Variants in WHR1 observed in about 807,000 individuals in gnomAD.
WHR1 encodes the protein winged helix repair factor 1, also known as MHC class III HLA-RP1.
At chr6:31,974,578 A>G in the WHR1 span, among the ~76,000 whole-genome samples, 1 of 152,186 alleles carries the variant, frequency 6.6e-6, no homozygotes, top group Admixed American at 6.5e-5. Context: ...TCCCATCTCT[A>G]CTAAATAAAT....
At chr6:31,975,462 A>G in the WHR1 span, among the ~76,000 whole-genome samples, 1 of 151,710 alleles carries the variant, frequency 6.6e-6, no homozygotes, top group African/African-American at 2.4e-5. Flanking sequence ...CGGCCTCCCA[A>G]AGTGCTGGGA....
chr6:31,979,289 G>T, the WHR1 span: 1 of 1,281,044 alleles, frequency 7.8e-7, no homozygotes, highest in Non-Finnish European at 1.1e-6. Flanking sequence ...GGAGGAAGAA[G>T]AAGGGTATGA....
chr6:31,972,005 G>A, the WHR1 span: 2 of 1,603,964 alleles, frequency 1.2e-6, no homozygotes, highest in Non-Finnish European at 1.7e-6. This position sits in a 1 kb window ranked among gnomAD's most constrained non-coding sequence, Gnocchi z 6.3. Context: ...GGATGCAAAA[G>A]TGGTTTTCTG....
At chr6:31,972,724 T>G in the WHR1 span, 1 of 1,613,496 alleles carries the variant, frequency 6.2e-7, no homozygotes, top group Non-Finnish European at 8.5e-7. This position sits in a 1 kb window ranked among gnomAD's most constrained non-coding sequence, Gnocchi z 6.3. Flanking sequence ...TGTACAGCCT[T>G]GTGCCTGACA....
chr6:31,972,207 G>A, the WHR1 span: 3 of 1,612,566 alleles, frequency 1.9e-6, no homozygotes, highest in Non-Finnish European at 2.5e-6. The surrounding 1 kb of genome is among the most constrained non-coding windows in gnomAD (Gnocchi z 6.3). Context: ...GCCTGGCGGA[G>A]GTGATGCTGG....
chr6:31,977,365 C>T, the WHR1 span, among the ~76,000 whole-genome samples: 1 of 137,018 alleles, frequency 7.3e-6, no homozygotes, highest in Non-Finnish European at 1.5e-5. Context: ...TTTTTTGAGA[C>T]GGAGTCTCGC....
At chr6:31,971,996 G>A in the WHR1 span, 2 of 1,598,988 alleles carry the variant, frequency 1.3e-6, no homozygotes, top group Middle Eastern at 1.7e-4. This position sits in a 1 kb window ranked among gnomAD's most constrained non-coding sequence, Gnocchi z 4.5. Flanking sequence ...GAGGCCGAAG[G>A]ATGCAAAAGT....
chr6:31,971,205 C>G, the WHR1 span: 1 of 1,581,570 alleles, frequency 6.3e-7, no homozygotes. This position sits in a 1 kb window ranked among gnomAD's most constrained non-coding sequence, Gnocchi z 4.5. Flanking sequence ...AGATGCTCCC[C>G]TCGAAGAATA....
the WHR1 span, chr6:31,979,159 G>A: frequency 3.1e-6 from 2 of 639,468 alleles, no homozygotes; most frequent in Non-Finnish European, 5.2e-6. Context: ...GAGGGAGAGA[G>A]ACAGGAGGGA....
At chr6:31,979,458 G>A in the WHR1 span, 1 of 1,612,980 alleles carries the variant, frequency 6.2e-7, no homozygotes, top group Non-Finnish European at 8.5e-7. Context: ...GGGCAGTGCA[G>A]AAATTTCTAG....
chr6:31,978,965 T>G, the WHR1 span: 5 of 1,612,072 alleles, frequency 3.1e-6, no homozygotes, highest in Non-Finnish European at 4.2e-6. Flanking sequence ...TGGATGCCCA[T>G]GGAATTATCT....
At chr6:31,979,162 A>G in the WHR1 span, 1 of 566,634 alleles carries the variant, frequency 1.8e-6, no homozygotes, top group Non-Finnish European at 3.0e-6. Flanking sequence ...GGAGAGAGAC[A>G]GGAGGGAAAG....
chr6:31,978,974 C>T, the WHR1 span: 1,215 of 1,612,306 alleles, frequency 7.5e-4, 4 homozygotes, highest in Non-Finnish European at 8.6e-4. Flanking sequence ...ATGGAATTAT[C>T]TTCACTGAGG....
At chr6:31,980,352 C>A in the WHR1 span, 2 of 1,104,986 alleles carry the variant, frequency 1.8e-6, no homozygotes, top group Non-Finnish European at 2.6e-6. Flanking sequence ...TGCATGGTTG[C>A]CCGTGTTTCT....
chr6:31,976,981 T>C, the WHR1 span, among the ~76,000 whole-genome samples: 2 of 152,168 alleles, frequency 1.3e-5, no homozygotes, highest in African/African-American at 2.4e-5. Context: ...TGCAGTGAGC[T>C]GAGATGGCAG....
chr6:31,972,793 T>C, the WHR1 span: 4 of 1,605,562 alleles, frequency 2.5e-6, no homozygotes, highest in Non-Finnish European at 3.4e-6. The surrounding 1 kb of genome is among the most constrained non-coding windows in gnomAD (Gnocchi z 6.3). Context: ...GAAGCCCCTT[T>C]CCTAACTCCT....
chr6:31,971,363 G>A, the WHR1 span: 40 of 1,564,250 alleles, frequency 2.6e-5, no homozygotes, highest in Non-Finnish European at 3.5e-5. The surrounding 1 kb of genome is among the most constrained non-coding windows in gnomAD (Gnocchi z 4.5). Context: ...CACAGCAGGT[G>A]GTCCAGCCTT....
At chr6:31,978,856 A>C in the WHR1 span, 1 of 1,586,306 alleles carries the variant, frequency 6.3e-7, no homozygotes, top group Non-Finnish European at 8.6e-7. Flanking sequence ...ATAGCAGAGC[A>C]TCTTACCCTG....
the WHR1 span, chr6:31,979,492 G>A: frequency 1.9e-6 from 3 of 1,612,824 alleles, no homozygotes; most frequent in Non-Finnish European, 2.5e-6. Flanking sequence ...AGCCTGTGGG[G>A]ACCTTAGTTT....
Sources: allele counts gnomAD v4.1 joint callset (sites outside exome capture counted in the v4.1 genomes callset), GRCh38; gene constraint gnomAD v4.1.1; non-coding constraint Gnocchi (gnomAD v3.1); transcripts MANE v1.5; gene names NCBI Gene and HGNC (gene_info 2026-07-23, HGNC 2026-07-21).